The following SUSD5 variants were observed in gnomAD, a reference collection of about 807,000 sequenced individuals.
SUSD5 encodes the protein sushi domain containing 5.
A neutral mutation model predicts 29.5 loss-of-function variants in SUSD5; 33 were observed. The ratio of observed to expected loss-of-function variants is 1.12; its 90% confidence interval spans 0.85 to 1.49. The LOEUF (loss-of-function observed/expected upper bound fraction) is 1.49. Among genes scored for constraint, SUSD5 ranks in the 40% most tolerant of loss-of-function variants. The probability of loss-of-function intolerance (pLI) is 0.00; values close to 1 mark genes in which losing one functional copy is unlikely to be tolerated. For missense variants in SUSD5, 776 were observed against 800.6 expected (o/e 0.97, Z 0.37); for synonymous variants, 308 against 325.3 (o/e 0.95, Z 0.57).
At chr3:33,162,126 G>A (rs1012645892) in intron 4 of SUSD5, among the ~76,000 whole-genome samples, 3 of 152,146 alleles carry the variant, frequency 2.0e-5, no homozygotes, top group African/African-American at 7.2e-5. Flanking sequence ...TCTGGTCATA[G>A]TGAGATTAAC....
chr3:33,200,793 AT>A, intron 3 of SUSD5, among the ~76,000 whole-genome samples: 1 of 152,354 alleles, frequency 6.6e-6, no homozygotes, highest in South Asian at 2.1e-4. Context: ...AATGCTTGTT[AT>A]AAAATGGCAA....
At chr3:33,156,093 T>TGCAA (rs1347816043) in intron 4 of SUSD5, among the ~76,000 whole-genome samples, 1 of 151,480 alleles carries the variant, frequency 6.6e-6, no homozygotes, top group African/African-American at 2.4e-5. Flanking sequence ...TAGGCTAGAG[T>TGCAA]GCAATGGTGC....
In SUSD5 at chr3:33,218,690, C is replaced by T; in HGVS notation, c.108G>A (p.Ala36=). The change falls in exon 1 of 5, where the codon GCG becomes GCA. Residue 36 remains alanine (A), a synonymous_variant. Coordinates refer to ENST00000309558, the MANE Select transcript of SUSD5 (RefSeq NM_015551.2). The stretch of plus-strand genomic sequence containing the variant: ...CGCCGCCTCCCGCACACTCACCATC[C>T]GCCCGCACCGAAAGGCGCGGCAGAC... ...LLGLPRLSVR[A]DGKFFVLESQ... is the part of the protein sequence containing the mutation. 2 of 1,306,570 alleles carry T rather than the reference C, an allele frequency of 1.5e-6. No individual in the cohort carries two copies. The highest frequency in any genetic ancestry group is 1.9e-6 in the Non-Finnish European group (2 of 1,027,658). The allele number at this position is 1,306,570 out of a possible 1,614,324, so 80.9% of individuals were successfully genotyped here.
intron 3 of SUSD5, among the ~76,000 whole-genome samples, chr3:33,198,455 G>C (rs2032038581): frequency 6.6e-6 from 1 of 152,136 alleles, no homozygotes; most frequent in African/African-American, 2.4e-5. Context: ...CATAAACATG[G>C]GGCCTGGTGG....
chr3:33,153,467 C>T lies in SUSD5; in HGVS notation c.1165G>A (p.Glu389Lys), dbSNP rs747937063. The change falls in exon 5 of 5, where the codon GAA (glutamate) becomes AAA (lysine). Residue 389 changes from glutamate (E) to lysine (K), a missense_variant. Transcript: ENST00000309558. ...CCATCCCCTCTGTCCCCATCTTCTT[C>T]CTCTTCTGCCTCTGTCTTCCTCCAA... ...GAWRKTEAEE[E>K]EDGDRGDGSV... The T allele has an allele frequency of 6.2e-7, 1 of 1,614,124 alleles. No homozygotes were observed. Among genetic ancestry groups the T allele is most frequent in the South Asian group, 1.1e-5 (1 of 91,070 alleles).
intron 4 of SUSD5, among the ~76,000 whole-genome samples, chr3:33,166,392 G>A (rs150820193): frequency 1.3e-5 from 2 of 152,278 alleles, no homozygotes; most frequent in African/African-American, 4.8e-5. Context: ...GCTCTTATAC[G>A]GATAGGGTAA....
At chr3:33,183,969 G>C (rs909213146) in intron 3 of SUSD5, among the ~76,000 whole-genome samples, 7 of 71,194 alleles carry the variant, frequency 9.8e-5, no homozygotes, top group African/African-American at 4.8e-4. Flanking sequence ...ATGGAGTCTC[G>C]CTCTATCTCC....
At position 33,150,395 on chromosome 3, in the gene SUSD5, A is replaced by G. The variant is rs970835522; in HGVS notation, c.*2347T>C. 6.6e-5 allele frequency: 10 copies of G among 152,222 alleles called. No individual in the cohort carries two copies. The highest frequency in any genetic ancestry group is 1.2e-4 in the Non-Finnish European group (8 of 68,040). 9.4% of individuals were successfully genotyped at this position (152,222 alleles called of 1,614,324 possible). On this transcript the variant is annotated 3_prime_UTR_variant, in exon 5 of 5. Coordinates refer to ENST00000309558, the MANE Select transcript of SUSD5 (RefSeq NM_015551.2). ...TTAATACACTGTATTAATATTGCCT[A>G]TTTGTTGGTATAAATCCAATGTTCT... is the stretch of plus-strand genomic sequence containing the variant.
In SUSD5 at chr3:33,167,681, C is replaced by T. The variant is rs2031333185; in HGVS notation, c.598+7205G>A. On this transcript the variant is annotated intron_variant, in intron 4 of 4. Coordinates refer to ENST00000309558, the MANE Select transcript of SUSD5 (RefSeq NM_015551.2). The surrounding 1 kb of genome is among the most constrained non-coding windows in gnomAD (Gnocchi z 4.1). ...AGAATGAGTGTTTACAATTAGCCTA[C>T]TTATGAAGAAGTATCCAAAGCTTAT... 6.6e-6 allele frequency among the ~76,000 whole-genome samples: 1 copy of T among 152,188 alleles called. No individual in the cohort carries two copies. The highest frequency in any genetic ancestry group is 1.5e-5 in the Non-Finnish European group (1 of 68,040).
At chr3:33,189,206 G>A (rs532498884) in intron 3 of SUSD5, among the ~76,000 whole-genome samples, 22 of 152,284 alleles carry the variant, frequency 1.4e-4, no homozygotes, top group African/African-American at 2.9e-4. Flanking sequence ...CCGGCTGGGC[G>A]TGGTGGCTCA....
intron 4 of SUSD5, among the ~76,000 whole-genome samples, chr3:33,160,832 A>C (rs897402756): frequency 1.3e-5 from 2 of 152,192 alleles, no homozygotes; most frequent in Admixed American, 6.5e-5. Flanking sequence ...TTCAAGAATC[A>C]CTACAAACCT....
In SUSD5 at chr3:33,152,743, T is replaced by C; in HGVS notation, c.1889A>G (p.Ter630TrpextTer25). 1 of 1,605,344 alleles carries C rather than the reference T, an allele frequency of 6.2e-7. No homozygotes were observed. The highest frequency in any genetic ancestry group is 8.5e-7 in the Non-Finnish European group (1 of 1,175,348). Residue 630 changes from the stop codon to tryptophan (W), a stop_lost, in exon 5 of 5, where the codon TAG becomes TGG. Transcript: ENST00000309558. Reference sequence around the variant, plus strand: ...TGGGAGAACCCACTCCAAAGGTGCCTAGACCTTCTCCATCTCGATCTGCTG... The same window carrying C: ...TGGGAGAACCCACTCCAAAGGTGCCCAGACCTTCTCCATCTCGATCTGCTG... ...YHQQIEMEKV[*>W]
At chr3:33,179,023 C>T (rs2031612256) in intron 3 of SUSD5, among the ~76,000 whole-genome samples, 1 of 151,974 alleles carries the variant, frequency 6.6e-6, no homozygotes, top group Non-Finnish European at 1.5e-5. Context: ...ATAATGTCTG[C>T]CTTAAATGTT....
chr3:33,188,308 A>G (rs2031820612), intron 3 of SUSD5, among the ~76,000 whole-genome samples: 1 of 152,226 alleles, frequency 6.6e-6, no homozygotes, highest in Non-Finnish European at 1.5e-5. Context: ...AAATTCTGAA[A>G]CAAATGCCTG....
chr3:33,187,981 C>T lies in SUSD5; in HGVS notation c.410-12907G>A, dbSNP rs566727633. On this transcript the variant is annotated intron_variant, in intron 3 of 4. Coordinates refer to ENST00000309558, the MANE Select transcript of SUSD5 (RefSeq NM_015551.2). Reference sequence around the variant, plus strand: ...GTGGTTTGTGAACACAGATTTAGGACCTGGGTTTCAACCATTTCAACATCA... The same window carrying T: ...GTGGTTTGTGAACACAGATTTAGGATCTGGGTTTCAACCATTTCAACATCA... Among the ~76,000 whole-genome samples the T allele has an allele frequency of 1.8e-4, 28 of 152,136 alleles. No homozygotes were observed. In the South Asian group the frequency reaches 3.3e-3, roughly 18 times the overall value.
In SUSD5 at chr3:33,181,183, T is replaced by A. The variant is rs1196113339; in HGVS notation, c.410-6109A>T. 3.3e-5 allele frequency among the ~76,000 whole-genome samples: 5 copies of A among 152,142 alleles called. No homozygotes were observed. In the East Asian group the frequency reaches 9.7e-4, roughly 29 times the overall value. ...TATTACTGATGAAAAAATATTTTCATAAATTTAGTGTAGTCTAAGTGTACA... is the reference window on the plus strand; with the variant it reads ...TATTACTGATGAAAAAATATTTTCAAAAATTTAGTGTAGTCTAAGTGTACA... On this transcript the variant is annotated intron_variant, in intron 3 of 4. Transcript: ENST00000309558.
chr3:33,208,055 TA>T, intron 2 of SUSD5, 129 bp from the exon 3 acceptor site: 2 of 666,278 alleles, frequency 3.0e-6, no homozygotes, highest in South Asian at 3.8e-5. Flanking sequence ...TCTGAAAGCA[TA>T]AATCTGGACA....
At chr3:33,155,965 A>G (rs1478029955) in intron 4 of SUSD5, among the ~76,000 whole-genome samples, 3 of 152,026 alleles carry the variant, frequency 2.0e-5, no homozygotes, top group Admixed American at 2.0e-4. Flanking sequence ...AGGCCTAAAT[A>G]TCAGTGTTTA....
chr3:33,186,099 T>C (rs1039193200), intron 3 of SUSD5, among the ~76,000 whole-genome samples: 35 of 152,118 alleles, frequency 2.3e-4, no homozygotes, highest in South Asian at 6.2e-4. Context: ...GTCAGGAGAT[T>C]GAGACCATCC....
Sources: gnomAD v4.1 joint callset for allele counts (sites outside exome capture counted in the v4.1 genomes callset) on GRCh38, gnomAD v4.1.1 for gene constraint, Gnocchi (gnomAD v3.1) non-coding constraint, MANE v1.5 for transcripts, NCBI Gene and HGNC (gene_info 2026-07-23, HGNC 2026-07-21) for gene names.